INPP4A: variants seen among roughly 807,000 people sequenced by gnomAD.
INPP4A encodes inositol polyphosphate-4-phosphatase type I A.
Under a neutral mutation model 119.8 loss-of-function variants are expected in INPP4A, and 33 were observed. The ratio of observed to expected loss-of-function variants is 0.28; its 90% CI spans 0.21 to 0.37. INPP4A has a LOEUF of 0.37. Ranked by LOEUF, INPP4A falls within the 10% of genes least tolerant of loss-of-function variation. The pLI, the probability that INPP4A is intolerant of heterozygous loss-of-function variation, is 1.00. For missense variants in INPP4A, 956 were observed against 1,289.9 expected (o/e 0.74, Z 3.97); for synonymous variants, 496 against 500.7 (o/e 0.99, Z 0.12).
At chr2:98,535,692 C>A in intron 5 of INPP4A, 37 bp from the exon 6 acceptor site, 1 of 946,678 alleles carries the variant, frequency 1.1e-6, no homozygotes, top group Non-Finnish European at 1.6e-6. Context: ...TTTAAAAATC[C>A]AACCCTGTGT....
At chr2:98,582,001 C>A (rs1699375914) in intron 24 of INPP4A, among the ~76,000 whole-genome samples, 1 of 152,184 alleles carries the variant, frequency 6.6e-6, no homozygotes, top group Non-Finnish European at 1.5e-5. Context: ...TCTTACGGTG[C>A]CCTGTCACTG....
At chr2:98,516,301 G>A (rs1436065106) in intron 1 of INPP4A, among the ~76,000 whole-genome samples, 1 of 152,152 alleles carries the variant, frequency 6.6e-6, no homozygotes, top group Non-Finnish European at 1.5e-5. Context: ...TGCTTCTAAG[G>A]TCTTTTTGAC....
chr2:98,558,537 G>A (rs1315832548), intron 16 of INPP4A, among the ~76,000 whole-genome samples: 1 of 152,174 alleles, frequency 6.6e-6, no homozygotes, highest in Non-Finnish European at 1.5e-5. Flanking sequence ...CGATTAGAGA[G>A]GAAGGATCCT....
chr2:98,465,019 T>C lies in INPP4A; in HGVS notation c.-166+19934T>C, dbSNP rs191620736. 6.5e-4 allele frequency among the ~76,000 whole-genome samples: 99 copies of C among 152,352 alleles called. 1 individual carries two copies. The highest frequency in any genetic ancestry group is 4.4e-3 in the Admixed American group (68 of 15,298). On this transcript the variant is annotated intron_variant, in intron 1 of 24. Coordinates refer to ENST00000409851, the MANE Select transcript of INPP4A (RefSeq NM_001134225.2). ...GATGTCAGGAACTGTCCTTCACTAATGGGGATTCTCGAGTTCCTACCACGT... is the reference window on the plus strand; with the variant it reads ...GATGTCAGGAACTGTCCTTCACTAACGGGGATTCTCGAGTTCCTACCACGT...
intron 24 of INPP4A, among the ~76,000 whole-genome samples, chr2:98,578,945 T>C (rs1392668826): frequency 6.6e-6 from 1 of 152,210 alleles, no homozygotes; most frequent in Non-Finnish European, 1.5e-5. Flanking sequence ...AGTCCCTGAA[T>C]TACACAGAAC....
At chr2:98,543,562 G>A (rs1024783010) in intron 10 of INPP4A, among the ~76,000 whole-genome samples, 6 of 152,186 alleles carry the variant, frequency 3.9e-5, no homozygotes, top group Non-Finnish European at 1.5e-5. Flanking sequence ...CAGGTCGTCA[G>A]GGTAAAGCTT....
In INPP4A at chr2:98,588,353, C is replaced by T; in HGVS notation, c.*745C>T. 5.0e-6 allele frequency: 1 copy of T among 199,964 alleles called. No individual in the cohort carries two copies. The highest frequency in any genetic ancestry group is 1.0e-5 in the Non-Finnish European group (1 of 96,998). 12.4% of individuals were successfully genotyped at this position (199,964 alleles called of 1,614,324 possible). On this transcript the variant is annotated 3_prime_UTR_variant, in exon 25 of 25. Transcript: ENST00000409851. ...TTAGCCTGTCTCCTGTTCTCTGAAG[C>T]TCCCTGCCGAGGCTCCCTCACGCCC...
chr2:98,540,373 G>T (rs964247803), intron 10 of INPP4A, among the ~76,000 whole-genome samples: 1 of 152,196 alleles, frequency 6.6e-6, no homozygotes, highest in Non-Finnish European at 1.5e-5. Flanking sequence ...AGTATAACCT[G>T]TCAGCTCACT....
chr2:98,460,502 A>G (rs1209258735), intron 1 of INPP4A, among the ~76,000 whole-genome samples: 1 of 151,714 alleles, frequency 6.6e-6, no homozygotes, highest in African/African-American at 2.4e-5. Flanking sequence ...CTTTTTTAAG[A>G]CTCTTTCATT....
In INPP4A at chr2:98,569,066, A is replaced by AT. The variant is rs1477844431; in HGVS notation, c.2518+400dup. On this transcript the variant is annotated intron_variant, in intron 22 of 24. Transcript: ENST00000409851. This position sits in a 1 kb window ranked among gnomAD's most constrained non-coding sequence, Gnocchi z 5.1. ...TTAGAGAGGAAGATGCGGGGCCAAC[A>AT]TTGCTGGGTGTTTGGGAGCAAGGTG... 5.9e-6 allele frequency: 1 copy of AT among 168,930 alleles called. No individual in the cohort carries two copies. The allele number at this position is 168,930 out of a possible 1,614,324, so 10.5% of individuals were successfully genotyped here.
rs188248806 is a variant in INPP4A at position 98,593,738 on chromosome 2, C to G, written c.*6130C>G. 329 of 152,538 alleles carry G rather than the reference C, an allele frequency of 2.2e-3. 1 individual carries two copies. The highest frequency in any genetic ancestry group is 2.4e-3 in the Non-Finnish European group (163 of 68,286). 9.4% of individuals were successfully genotyped at this position (152,538 alleles called of 1,614,324 possible). On this transcript the variant is annotated 3_prime_UTR_variant, in exon 25 of 25. Coordinates refer to ENST00000409851, the MANE Select transcript of INPP4A (RefSeq NM_001134225.2). ...TTCTCCTCCACATCCCATCAATCAG[C>G]CACTGAACCTGTATCTCTTGAGAAC...
chr2:98,564,026 G>A (rs1245512597), intron 18 of INPP4A, among the ~76,000 whole-genome samples: 1 of 151,790 alleles, frequency 6.6e-6, no homozygotes, highest in African/African-American at 2.4e-5. Flanking sequence ...ATAACAGTAG[G>A]TGCCTTAGCT....
chr2:98,501,953 C>G (rs1281879858), intron 1 of INPP4A, among the ~76,000 whole-genome samples: 1 of 152,214 alleles, frequency 6.6e-6, no homozygotes, highest in African/African-American at 2.4e-5. Context: ...TTGGCCTGTG[C>G]AGGTTTCTCT....
chr2:98,587,931 A>G lies in INPP4A; in HGVS notation c.*323A>G. ...TCAAGCTAGGTTTGTCTGAAATGCTAGAAGACTTTTTCAAATGCCTGCTTG... is the reference window on the plus strand; with the variant it reads ...TCAAGCTAGGTTTGTCTGAAATGCTGGAAGACTTTTTCAAATGCCTGCTTG... On this transcript the variant is annotated 3_prime_UTR_variant, in exon 25 of 25. Transcript: ENST00000409851. 1 of 248,806 alleles carries G rather than the reference A, an allele frequency of 4.0e-6. No individual in the cohort carries two copies. Among genetic ancestry groups the G allele is most frequent in the Non-Finnish European group, 7.7e-6 (1 of 129,512 alleles). The allele number at this position is 248,806 out of a possible 1,614,324, so 15.4% of individuals were successfully genotyped here.
At chr2:98,528,391 G>A (rs766985986) in intron 4 of INPP4A, among the ~76,000 whole-genome samples, 1 of 151,840 alleles carries the variant, frequency 6.6e-6, no homozygotes, top group African/African-American at 2.4e-5. Flanking sequence ...AAAATGAACA[G>A]AGCCTCAGAG....
intron 10 of INPP4A, among the ~76,000 whole-genome samples, chr2:98,541,219 C>G (rs1005384907): frequency 6.6e-6 from 1 of 151,322 alleles, no homozygotes; most frequent in African/African-American, 2.4e-5. Context: ...CCCAGCTACT[C>G]GGGAGGCAGA....
intron 24 of INPP4A, among the ~76,000 whole-genome samples, chr2:98,585,343 C>T (rs1699833720): frequency 6.6e-6 from 1 of 152,164 alleles, no homozygotes; most frequent in Admixed American, 6.5e-5. Context: ...CTTGGGGTTT[C>T]CATTTTAATT....
Position 98,520,164 on chromosome 2 carries a change from AC to A in INPP4A, c.106+11del, listed in dbSNP as rs747491641. 6.4e-7 allele frequency: 1 copy of A among 1,550,948 alleles called. No homozygotes were observed. The highest frequency in any genetic ancestry group is 1.2e-5 in the South Asian group (1 of 84,134). On this transcript the variant is annotated intron_variant, in intron 3 of 24. Transcript: ENST00000409851. ...GGCCTCTCTCTGGCAGGTGAGCCTC[AC>A]AGGGCCTGCACCGGGCTCCAGGTAT...
At chr2:98,532,897 A>G (rs1438717601) in intron 4 of INPP4A, among the ~76,000 whole-genome samples, 1 of 152,156 alleles carries the variant, frequency 6.6e-6, no homozygotes, top group African/African-American at 2.4e-5. Flanking sequence ...ATAGAATTCT[A>G]ATTTTCTTCC....
Sources: gnomAD v4.1 joint callset for allele counts (sites outside exome capture counted in the v4.1 genomes callset) on GRCh38, gnomAD v4.1.1 for gene constraint, Gnocchi (gnomAD v3.1) non-coding constraint, MANE v1.5 for transcripts, NCBI Gene and HGNC (gene_info 2026-07-23, HGNC 2026-07-21) for gene names.